Variants in PTPRM observed in about 807,000 individuals in gnomAD.
PTPRM encodes the protein receptor-type tyrosine-protein phosphatase mu.
Under a neutral mutation model 186.7 loss-of-function variants are expected in PTPRM, and 47 were observed. That is an observed-to-expected ratio of 0.25 (90% CI 0.20 to 0.32). The LOEUF is 0.32. Among genes scored for constraint, PTPRM ranks in the 10% least tolerant of loss-of-function variants. PTPRM has a pLI of 1.00. For missense variants in PTPRM, 1,494 were observed against 1,865.0 expected (o/e 0.80, Z 3.66); for synonymous variants, 668 against 674.9 (o/e 0.99, Z 0.16).
intron 14 of PTPRM, among the ~76,000 whole-genome samples, chr18:8,213,809 G>T (rs531006483): frequency 6.6e-6 from 1 of 152,092 alleles, no homozygotes; most frequent in Non-Finnish European, 1.5e-5. Context: ...GCATGCATGC[G>T]CTTGTCACTG....
intron 3 of PTPRM, among the ~76,000 whole-genome samples, chr18:7,893,086 G>T (rs1223281816): frequency 6.6e-6 from 1 of 152,168 alleles, no homozygotes; most frequent in Non-Finnish European, 1.5e-5. Flanking sequence ...CTTTAATACA[G>T]TGTTGCTAAG....
At position 8,088,737 on chromosome 18, in the gene PTPRM, C is replaced by A; in HGVS notation, c.1754-12C>A. 6.3e-7 allele frequency: 1 copy of A among 1,589,632 alleles called. No individual in the cohort carries two copies. Among genetic ancestry groups the A allele is most frequent in the Non-Finnish European group, 8.6e-7 (1 of 1,158,260 alleles). The stretch of plus-strand genomic sequence containing the variant: ...AAATAATGAGTCTCCCATTCTACGC[C>A]TTTTTCCCCAGCACCCTCTATGCCA... On this transcript the variant is annotated splice_polypyrimidine_tract_variant and intron_variant, in intron 10 of 32. Transcript: ENST00000580170.
intron 7 of PTPRM, among the ~76,000 whole-genome samples, chr18:8,047,562 A>G (rs976245013): frequency 6.6e-6 from 1 of 152,196 alleles, no homozygotes; most frequent in Non-Finnish European, 1.5e-5. Context: ...GTAATACAGT[A>G]TATGTGTGTA....
At chr18:7,834,905 C>G (rs2045956369) in intron 2 of PTPRM, among the ~76,000 whole-genome samples, 1 of 150,078 alleles carries the variant, frequency 6.7e-6, no homozygotes, top group Non-Finnish European at 1.5e-5. Context: ...CATATAGTTG[C>G]TCATAATAGC....
chr18:8,328,014 A>C lies in PTPRM; in HGVS notation c.2956+8800A>C, dbSNP rs74601620. Among the ~76,000 whole-genome samples, 826 of 152,372 alleles carry C rather than the reference A, an allele frequency of 5.4e-3. 7 individuals are homozygous for C. Among genetic ancestry groups the C allele is most frequent in the African/African-American group, 0.019 (793 of 41,590 alleles). ...GTGAAGGTTTATAGTGGAAATATTT[A>C]CAGAGCCTCAAACACTGCACAACAG... On this transcript the variant is annotated intron_variant, in intron 22 of 32. Coordinates refer to ENST00000580170, the MANE Select transcript of PTPRM (RefSeq NM_001105244.2).
chr18:8,106,637 C>G lies in PTPRM; in HGVS notation c.1857-6849C>G, dbSNP rs560338098. Reference sequence around the variant, plus strand: ...GTGCCTAATTCCTCTTTTTATTCTTCCCCTGTGCCTGGAACAAGGCCTGAT... The same window carrying G: ...GTGCCTAATTCCTCTTTTTATTCTTGCCCTGTGCCTGGAACAAGGCCTGAT... On this transcript the variant is annotated intron_variant, in intron 11 of 32. Coordinates refer to ENST00000580170, the MANE Select transcript of PTPRM (RefSeq NM_001105244.2). Among the ~76,000 whole-genome samples the G allele has an allele frequency of 2.0e-5, 3 of 152,156 alleles. No homozygotes were observed. In the South Asian group the frequency reaches 6.2e-4, roughly 32 times the overall value.
At chr18:7,602,410 G>A (rs1040294922) in intron 1 of PTPRM, among the ~76,000 whole-genome samples, 48 of 151,982 alleles carry the variant, frequency 3.2e-4, no homozygotes, top group Middle Eastern at 6.8e-3. Flanking sequence ...GGGTTATCTG[G>A]GAAGTTTGAT....
chr18:7,596,004 G>T (rs907033141), intron 1 of PTPRM, among the ~76,000 whole-genome samples: 1 of 152,114 alleles, frequency 6.6e-6, no homozygotes, highest in African/African-American at 2.4e-5. Flanking sequence ...GAAAAAGATC[G>T]AAAAAGTATT....
chr18:7,986,525 G>T (rs1229610111), intron 7 of PTPRM, among the ~76,000 whole-genome samples: 1 of 152,194 alleles, frequency 6.6e-6, no homozygotes, highest in African/African-American at 2.4e-5. Context: ...CTGACATGGA[G>T]AACAGTACAT....
intron 1 of PTPRM, among the ~76,000 whole-genome samples, chr18:7,570,945 T>G (rs1328978090): frequency 9.1e-4 from 136 of 148,916 alleles, no homozygotes; most frequent in Non-Finnish European, 1.7e-3. Flanking sequence ...TTGTGGGTTT[T>G]TTTTTTTTTT....
intron 7 of PTPRM, among the ~76,000 whole-genome samples, chr18:8,064,317 A>G (rs540596145): frequency 6.6e-6 from 1 of 152,240 alleles, no homozygotes; most frequent in Admixed American, 6.5e-5. Context: ...GAAATAAAGT[A>G]GAATGATTTT....
At chr18:7,745,280 T>C (rs1377137109) in intron 1 of PTPRM, among the ~76,000 whole-genome samples, 1 of 152,174 alleles carries the variant, frequency 6.6e-6, no homozygotes, top group African/African-American at 2.4e-5. Flanking sequence ...TCTGGCCAGC[T>C]ATTTGAAGTC....
chr18:7,714,535 G>C (rs1159443012), intron 1 of PTPRM, among the ~76,000 whole-genome samples: 1 of 151,952 alleles, frequency 6.6e-6, no homozygotes, highest in African/African-American at 2.4e-5. Context: ...AACTGAAGGA[G>C]ACAGAGACAC....
intron 1 of PTPRM, among the ~76,000 whole-genome samples, chr18:7,606,606 C>T (rs2037536194): frequency 1.3e-5 from 2 of 152,262 alleles, no homozygotes; most frequent in African/African-American, 2.4e-5. Flanking sequence ...GTCACATATA[C>T]TGCACATTAG....
At chr18:7,874,825 A>G (rs572959008) in intron 2 of PTPRM, among the ~76,000 whole-genome samples, 1 of 152,350 alleles carries the variant, frequency 6.6e-6, no homozygotes, top group East Asian at 1.9e-4. Flanking sequence ...TAATTATCCT[A>G]TAGCTCCCAC....
At chr18:7,742,854 A>G (rs1157324751) in intron 1 of PTPRM, among the ~76,000 whole-genome samples, 1 of 152,200 alleles carries the variant, frequency 6.6e-6, no homozygotes, top group Admixed American at 6.5e-5. Flanking sequence ...AATTTAGAAA[A>G]TTGTCAATCA....
chr18:8,373,722 C>A (rs1378535844), intron 24 of PTPRM, among the ~76,000 whole-genome samples: 1 of 152,006 alleles, frequency 6.6e-6, no homozygotes, highest in African/African-American at 2.4e-5. Flanking sequence ...TGACTTGGAT[C>A]AAAATTAAGT....
intron 1 of PTPRM, among the ~76,000 whole-genome samples, chr18:7,761,703 C>T (rs1447647990): frequency 6.6e-6 from 1 of 152,048 alleles, no homozygotes; most frequent in African/African-American, 2.4e-5. Flanking sequence ...AGTTGTCTTC[C>T]TTGAGGACAA....
At chr18:7,571,713 C>T (rs1360379612) in intron 1 of PTPRM, among the ~76,000 whole-genome samples, 1 of 152,138 alleles carries the variant, frequency 6.6e-6, no homozygotes, top group Non-Finnish European at 1.5e-5. Context: ...GGGAAAACAG[C>T]TGAAATCTGA....
Sources: allele counts gnomAD v4.1 joint callset (sites outside exome capture counted in the v4.1 genomes callset), GRCh38; gene constraint gnomAD v4.1.1; transcripts MANE v1.5; gene names NCBI Gene and HGNC (gene_info 2026-07-23, HGNC 2026-07-21).